Variants in CDX1 observed in about 807,000 individuals in gnomAD.
CDX1 encodes the protein homeobox protein CDX-1.
CDX1 carries 9 observed loss-of-function variants against 16.9 expected under a neutral mutation model. The observed-to-expected ratio is 0.53, with a 90% CI of 0.32 to 0.93. CDX1 has a LOEUF of 0.93. CDX1 is among the 40% of genes least tolerant of loss of function. The pLI is 0.04. For synonymous variants in CDX1, 179 were observed against 179.0 expected (o/e 1.00, Z 0.00); for missense variants, 393 against 386.1 (o/e 1.02, Z -0.15).
rs1200782975 is a variant in CDX1 at position 150,182,820 on chromosome 5, C to T, written c.498C>T (p.Arg166=). 1 of 1,613,302 alleles carries T rather than the reference C, an allele frequency of 6.2e-7. No homozygotes were observed. The change falls in exon 2 of 3, where the codon CGC becomes CGT. Residue 166 remains arginine, a synonymous_variant. Coordinates refer to ENST00000231656, the MANE Select transcript of CDX1 (RefSeq NM_001804.3). ...GCGTGGTCTACACCGACCACCAACG[C>T]CTGGAGCTGGAGAAGGAGTTTCATT... ...KYRVVYTDHQ[R]LELEKEFHYS...
chr5:150,172,592 C>G (rs1238845834), intron 1 of CDX1, among the ~76,000 whole-genome samples: 1 of 152,196 alleles, frequency 6.6e-6, no homozygotes, highest in East Asian at 1.9e-4. Flanking sequence ...GAGACCCCCC[C>G]TTCCCCATGG....
At chr5:150,168,938 C>G (rs1484109613) in intron 1 of CDX1, among the ~76,000 whole-genome samples, 4 of 152,194 alleles carry the variant, frequency 2.6e-5, no homozygotes, top group African/African-American at 9.7e-5. Flanking sequence ...CTACCAGAAG[C>G]TTTATCCATA....
At chr5:150,180,405 A>G (rs1761626901) in intron 1 of CDX1, among the ~76,000 whole-genome samples, 1 of 152,226 alleles carries the variant, frequency 6.6e-6, no homozygotes, top group Admixed American at 6.5e-5. Flanking sequence ...CAGGAAACCC[A>G]GGGAAAAGCT....
rs113503023 is a variant in CDX1 at position 150,183,172 on chromosome 5, G to T, written c.591+259G>T. On this transcript the variant is annotated intron_variant, in intron 2 of 2. Transcript: ENST00000231656. ...GGCTATTATTAGTGCTGTAGGAGGT[G>T]CACGTGCTATTTACATTAGGGGAGC... 6.9e-3 allele frequency among the ~76,000 whole-genome samples: 1,047 copies of T among 152,292 alleles called. 10 individuals carry two copies. Among genetic ancestry groups the T allele is most frequent in the African/African-American group, 0.024 (1,004 of 41,552 alleles).
chr5:150,168,386 T>C (rs1761461912), intron 1 of CDX1, among the ~76,000 whole-genome samples: 1 of 152,280 alleles, frequency 6.6e-6, no homozygotes, highest in African/African-American at 2.4e-5. Flanking sequence ...CTACGGGTTC[T>C]GGCCATAATC....
Position 150,167,304 on chromosome 5 carries a change from G to A in CDX1, c.428G>A (p.Gly143Glu), listed in dbSNP as rs758741580. The part of the protein sequence containing the change: ...YEWMRRSVAA[G>E]GGGGSGKTRT... ...TGGATGCGGCGCAGCGTGGCGGCCG[G>A]AGGCGGCGGTGGCAGCGGTAAGGAC... is the stretch of plus-strand genomic sequence containing the variant. Residue 143 changes from glycine (G) to glutamate (E), a missense_variant, in exon 1 of 3, where the codon GGA becomes GAA. By Grantham distance (98) the Gly-to-Glu change is moderately conservative. Coordinates refer to ENST00000231656, the MANE Select transcript of CDX1 (RefSeq NM_001804.3). 3.5e-5 allele frequency: 44 copies of A among 1,263,538 alleles called. No homozygotes were observed. Among genetic ancestry groups the A allele is most frequent in the Non-Finnish European group, 4.4e-5 (44 of 1,010,090 alleles). 78.3% of individuals were successfully genotyped at this position (1,263,538 alleles called of 1,614,324 possible).
In CDX1 at chr5:150,167,329, C is replaced by T; in HGVS notation, c.445+8C>T. The T allele has an allele frequency of 2.4e-6, 3 of 1,251,756 alleles. No individual in the cohort carries two copies. Among genetic ancestry groups the T allele is most frequent in the Non-Finnish European group, 2.0e-6 (2 of 1,001,702 alleles). 77.5% of individuals were successfully genotyped at this position (1,251,756 alleles called of 1,614,324 possible). On this transcript the variant is annotated splice_region_variant and intron_variant, in intron 1 of 2. Coordinates refer to ENST00000231656, the MANE Select transcript of CDX1 (RefSeq NM_001804.3). ...GAGGCGGCGGTGGCAGCGGTAAGGA[C>T]CCTTCCCTCGCCCTGCGCCTCTGGA... is the stretch of plus-strand genomic sequence containing the variant.
chr5:150,171,893 G>A (rs1761512187), intron 1 of CDX1, among the ~76,000 whole-genome samples: 1 of 152,224 alleles, frequency 6.6e-6, no homozygotes, highest in African/African-American at 2.4e-5. Context: ...TAATAGGATT[G>A]CATCTCAGAA....
Position 150,183,949 on chromosome 5 carries a change from A to G in CDX1, c.*269A>G, listed in dbSNP as rs2113956158. On this transcript the variant is annotated 3_prime_UTR_variant, in exon 3 of 3. Transcript: ENST00000231656. ...TCTCCCGTGGGCATCTCAAGCCCCA[A>G]ATGGTTGGGGGAGGGGCCTAGACAA... is the stretch of plus-strand genomic sequence containing the variant. 3 of 323,594 alleles carry G rather than the reference A, an allele frequency of 9.3e-6. No homozygotes were observed. Among genetic ancestry groups the G allele is most frequent in the South Asian group, 3.1e-4 (2 of 6,538 alleles). 20.0% of individuals were successfully genotyped at this position (323,594 alleles called of 1,614,324 possible). A position where few individuals can be genotyped will look rare whatever the true frequency, so the allele number is the denominator to read the frequency against.
At chr5:150,168,391 A>C (rs548440912) in intron 1 of CDX1, among the ~76,000 whole-genome samples, 1 of 152,384 alleles carries the variant, frequency 6.6e-6, no homozygotes, top group Admixed American at 6.5e-5. Context: ...GGTTCTGGCC[A>C]TAATCATATC....
intron 1 of CDX1, among the ~76,000 whole-genome samples, chr5:150,173,058 C>T (rs996383741): frequency 1.3e-5 from 2 of 152,156 alleles, no homozygotes; most frequent in African/African-American, 2.4e-5. Flanking sequence ...CTTGTGGGGG[C>T]ACCCCACATG....
In CDX1 at chr5:150,167,128, C is replaced by A; in HGVS notation, c.252C>A (p.Ala84=). ...AAYGPGPAAP[A]ASPASLAFGP... is the part of the protein sequence containing the mutation. ...ACGGCCCGGGCCCCGCGGCCCCTGCCGCCAGCCCAGCTTCGCTGGCATTCG... is the reference window on the plus strand; with the variant it reads ...ACGGCCCGGGCCCCGCGGCCCCTGCAGCCAGCCCAGCTTCGCTGGCATTCG... Residue 84 remains alanine (A), a synonymous_variant, in exon 1 of 3, where the codon GCC becomes GCA. Transcript: ENST00000231656. 2 of 1,330,828 alleles carry A rather than the reference C, an allele frequency of 1.5e-6. No individual in the cohort carries two copies. Among genetic ancestry groups the A allele is most frequent in the East Asian group, 3.2e-5 (1 of 31,598 alleles). The allele number at this position is 1,330,828 out of a possible 1,614,324, so 82.4% of individuals were successfully genotyped here. A position where few individuals can be genotyped will look rare whatever the true frequency, so the allele number is the denominator to read the frequency against.
At chr5:150,177,443 T>A (rs1761582588) in intron 1 of CDX1, among the ~76,000 whole-genome samples, 1 of 152,210 alleles carries the variant, frequency 6.6e-6, no homozygotes, top group Admixed American at 6.5e-5. Flanking sequence ...TGCTAGACAT[T>A]GTCCATCTAT....
At chr5:150,172,075 C>T (rs939364399) in intron 1 of CDX1, among the ~76,000 whole-genome samples, 1 of 152,246 alleles carries the variant, frequency 6.6e-6, no homozygotes, top group Admixed American at 6.5e-5. Flanking sequence ...CCCTCTCCTG[C>T]ATCTTCACCA....
At chr5:150,168,778 T>C (rs950491031) in intron 1 of CDX1, among the ~76,000 whole-genome samples, 4 of 152,260 alleles carry the variant, frequency 2.6e-5, no homozygotes, top group Non-Finnish European at 4.4e-5. Flanking sequence ...TCATCTTTTC[T>C]GGGTTTCAGT....
At position 150,183,599 on chromosome 5, in the gene CDX1, C is replaced by A; in HGVS notation, c.717C>A (p.Ser239=). ...TCACGGCCACCCCAGCCGGGCCATC[C>A]CTGGGGGGCCTGTGTCCCAGCAACA... ...HDITATPAGP[S]LGGLCPSNTS... Residue 239 remains serine, a synonymous_variant, in exon 3 of 3, where the codon TCC becomes TCA. Coordinates refer to ENST00000231656, the MANE Select transcript of CDX1 (RefSeq NM_001804.3). The A allele has an allele frequency of 6.2e-7, 1 of 1,610,056 alleles. No homozygotes were observed. Among genetic ancestry groups the A allele is most frequent in the Admixed American group, 1.7e-5 (1 of 59,698 alleles).
At chr5:150,179,697 G>T (rs1222226245) in intron 1 of CDX1, among the ~76,000 whole-genome samples, 3 of 152,216 alleles carry the variant, frequency 2.0e-5, no homozygotes, top group African/African-American at 7.2e-5. Context: ...CCTACCTCAG[G>T]CCTGTCCTCC....
chr5:150,176,440 C>T (rs1761569996), intron 1 of CDX1, among the ~76,000 whole-genome samples: 2 of 152,222 alleles, frequency 1.3e-5, no homozygotes, highest in Non-Finnish European at 2.9e-5. Flanking sequence ...CATTCCTAGG[C>T]TGGCATCACA....
chr5:150,181,418 G>A (rs1277449503), intron 1 of CDX1, among the ~76,000 whole-genome samples: 3 of 152,190 alleles, frequency 2.0e-5, no homozygotes, highest in Non-Finnish European at 4.4e-5. Context: ...TGGGATTACA[G>A]ATGTATGCCA....
Sources: allele counts gnomAD v4.1 joint callset (sites outside exome capture counted in the v4.1 genomes callset), GRCh38; gene constraint gnomAD v4.1.1; transcripts MANE v1.5; gene names NCBI Gene and HGNC (gene_info 2026-07-23, HGNC 2026-07-21).